Variants in THSD4 observed in about 807,000 individuals in gnomAD.
THSD4 encodes thrombospondin type-1 domain-containing protein 4.
A neutral mutation model predicts 119.0 loss-of-function variants in THSD4; 69 were observed. The observed-to-expected ratio is 0.58, with a 90% CI of 0.48 to 0.71. THSD4 has a LOEUF of 0.71. THSD4 is among the 30% of genes least tolerant of loss of function. The pLI, the probability that THSD4 is intolerant of heterozygous loss-of-function variation, is 0.00. For synonymous variants in THSD4, 524 were observed against 540.4 expected (o/e 0.97, Z 0.42); for missense variants, 1,393 against 1,391.1 (o/e 1.00, Z -0.02).
At chr15:71,204,762 G>T (rs1453250285) in intron 3 of THSD4, among the ~76,000 whole-genome samples, 1 of 152,084 alleles carries the variant, frequency 6.6e-6, no homozygotes, top group Non-Finnish European at 1.5e-5. Context: ...AAAGTATACG[G>T]TATTTCCAGT....
chr15:71,266,035 A>G (rs2044462212), intron 6 of THSD4, among the ~76,000 whole-genome samples: 1 of 152,344 alleles, frequency 6.6e-6, no homozygotes, highest in Middle Eastern at 3.4e-3. Flanking sequence ...GCGCAGCTTC[A>G]GCAGACTTAA....
intron 4 of THSD4, among the ~76,000 whole-genome samples, chr15:71,220,421 A>G (rs2140254805): frequency 6.6e-6 from 1 of 152,334 alleles, no homozygotes; most frequent in South Asian, 2.1e-4. Context: ...GTCAATCTTC[A>G]TTGGAGCTCT....
chr15:71,505,723 A>G (rs1038369477), intron 7 of THSD4, among the ~76,000 whole-genome samples: 2 of 152,242 alleles, frequency 1.3e-5, no homozygotes, highest in Admixed American at 6.5e-5. Context: ...TGAAATGCCA[A>G]ATAATACAGT....
chr15:71,296,378 C>T (rs907440108), intron 6 of THSD4, among the ~76,000 whole-genome samples: 3 of 152,188 alleles, frequency 2.0e-5, no homozygotes, highest in Non-Finnish European at 4.4e-5. Context: ...ATTTTATGAG[C>T]TCCCCAGGTA....
At position 71,299,089 on chromosome 15, in the gene THSD4, A is replaced by G. The variant is rs577248810; in HGVS notation, c.1015+42374A>G. On this transcript the variant is annotated intron_variant, in intron 6 of 17. Coordinates refer to ENST00000261862, the MANE Select transcript of THSD4 (RefSeq NM_024817.3). ...GAGTTGGACAGGAGGAACAATAACC[A>G]CATAGCAGAATGACCATTAAAAGAG... Among the ~76,000 whole-genome samples the G allele has an allele frequency of 4.8e-4, 73 of 152,326 alleles. No homozygotes were observed. In the Middle Eastern group the frequency reaches 0.024, roughly 50 times the overall value.
At chr15:71,580,406 G>GAT (rs902902699) in intron 7 of THSD4, among the ~76,000 whole-genome samples, 14 of 151,914 alleles carry the variant, frequency 9.2e-5, no homozygotes, top group South Asian at 4.2e-4. Context: ...GTGATGTTTT[G>GAT]ATATATATAT....
chr15:71,727,531 TAA>T (rs368424121), intron 8 of THSD4, among the ~76,000 whole-genome samples: 23 of 15,688 alleles, frequency 1.5e-3, no homozygotes, highest in African/African-American at 5.5e-3. Context: ...CCCCATCTCT[TAA>T]AAAAAAAAAA....
At chr15:71,714,693 A>G (rs1461916622) in intron 8 of THSD4, among the ~76,000 whole-genome samples, 1 of 151,830 alleles carries the variant, frequency 6.6e-6, no homozygotes, top group Non-Finnish European at 1.5e-5. Flanking sequence ...CTAAAAATAT[A>G]AAATTAGCCG....
At chr15:71,534,199 C>T (rs1443247315) in intron 7 of THSD4, among the ~76,000 whole-genome samples, 1 of 152,204 alleles carries the variant, frequency 6.6e-6, no homozygotes, top group African/African-American at 2.4e-5. Flanking sequence ...ATCCTCCCAC[C>T]TCAGCCTCCC....
At chr15:71,165,269 T>C in intron 3 of THSD4, 1 of 1,577,156 alleles carries the variant, frequency 6.3e-7, no homozygotes, top group Non-Finnish European at 8.7e-7. Flanking sequence ...AGAAATGGTC[T>C]TCCACCTCTC....
intron 7 of THSD4, among the ~76,000 whole-genome samples, chr15:71,416,012 G>C (rs1025506282): frequency 6.6e-6 from 1 of 152,152 alleles, no homozygotes; most frequent in Non-Finnish European, 1.5e-5. Context: ...GGCCAGGCTG[G>C]TCTCGAACTC....
At chr15:71,222,490 G>A (rs2043983056) in intron 4 of THSD4, among the ~76,000 whole-genome samples, 1 of 152,162 alleles carries the variant, frequency 6.6e-6, no homozygotes, top group Non-Finnish European at 1.5e-5. Flanking sequence ...GCCAAGCAGT[G>A]CCAGGTTGAC....
At chr15:71,112,307 A>G, upstream of THSD4, 2 of 1,373,448 alleles carry the variant, frequency 1.5e-6, no homozygotes, top group Admixed American at 5.4e-5. Context: ...AGGACAAGAG[A>G]ATGAAGGGGG....
chr15:71,097,728 A>AT (rs398027839), intron 1 of THSD4, among the ~76,000 whole-genome samples: 26 of 140,618 alleles, frequency 1.8e-4, no homozygotes, highest in African/African-American at 6.5e-4. Context: ...ATATATATAT[A>AT]TTTTTTTTTT....
At chr15:71,294,985 A>T (rs1485133558) in intron 6 of THSD4, among the ~76,000 whole-genome samples, 1 of 149,810 alleles carries the variant, frequency 6.7e-6, no homozygotes, top group Non-Finnish European at 1.5e-5. Flanking sequence ...GGCACCTGGG[A>T]ACTGGGATCA....
At chr15:71,551,466 G>A (rs1198310238) in intron 7 of THSD4, among the ~76,000 whole-genome samples, 1 of 152,150 alleles carries the variant, frequency 6.6e-6, no homozygotes, top group Non-Finnish European at 1.5e-5. Flanking sequence ...AGGCTTGAAG[G>A]GCTGTGTGTT....
In THSD4 at chr15:71,165,466, G is replaced by A. The variant is rs146666497; in HGVS notation, c.99+10534G>A. 2.9e-4 allele frequency: 394 copies of A among 1,338,154 alleles called. 2 individuals carry two copies. Among genetic ancestry groups the A allele is most frequent in the African/African-American group, 1.1e-3 (79 of 69,140 alleles). 82.9% of individuals were successfully genotyped at this position (1,338,154 alleles called of 1,614,324 possible). Reference sequence around the variant, plus strand: ...GCACAGAGTCGCCCAGTGCCCGTCCGGCTCTCACTTGCCCTGGCGCTGTCT... The same window carrying A: ...GCACAGAGTCGCCCAGTGCCCGTCCAGCTCTCACTTGCCCTGGCGCTGTCT... On this transcript the variant is annotated intron_variant, in intron 3 of 17. Coordinates refer to ENST00000261862, the MANE Select transcript of THSD4 (RefSeq NM_024817.3).
chr15:71,708,516 A>G (rs2052438993), intron 8 of THSD4, among the ~76,000 whole-genome samples: 2 of 152,224 alleles, frequency 1.3e-5, no homozygotes, highest in African/African-American at 4.8e-5. Context: ...CAAACTATAT[A>G]GAAACTAACT....
intron 3 of THSD4, chr15:71,164,895 C>T (rs1277211508): frequency 6.4e-7 from 1 of 1,561,508 alleles, no homozygotes; most frequent in African/African-American, 1.4e-5. Flanking sequence ...GCCTTGACAA[C>T]TCCCTTTTTT....
Sources: allele counts gnomAD v4.1 joint callset (sites outside exome capture counted in the v4.1 genomes callset), GRCh38; gene constraint gnomAD v4.1.1; transcripts MANE v1.5; gene names NCBI Gene and HGNC (gene_info 2026-07-23, HGNC 2026-07-21).